Variants in CLCN3 observed in about 807,000 individuals in gnomAD.
CLCN3 encodes the protein Cl-/H+ antiporter 3.
CLCN3 carries 16 observed loss-of-function variants against 83.4 expected under a neutral mutation model. The observed-to-expected ratio is 0.19, with a 90% confidence interval of 0.13 to 0.29. CLCN3 has a LOEUF of 0.29. Ranked by LOEUF, CLCN3 falls within the 10% of genes least tolerant of loss-of-function variation. CLCN3 has a pLI of 1.00. For missense variants in CLCN3, 544 were observed against 1,006.0 expected (o/e 0.54, Z 6.21); for synonymous variants, 322 against 346.2 (o/e 0.93, Z 0.78).
rs967713229 is a variant in CLCN3, at chr4:169,723,354, A to C, written c.*3357A>C. 1.3e-5 allele frequency: 2 copies of C among 152,208 alleles called. No homozygotes were observed. Among genetic ancestry groups the C allele is most frequent in the African/African-American group, 4.8e-5 (2 of 41,462 alleles). The allele number at this position is 152,208 out of a possible 1,614,324, so 9.4% of individuals were successfully genotyped here. A position where few individuals can be genotyped will look rare whatever the true frequency, so the allele number is the denominator to read the frequency against. On this transcript the variant is annotated 3_prime_UTR_variant, in exon 13 of 13. Transcript: ENST00000513761. ...CACTTTGCAAGCAAGGAGCAATAGA[A>C]GAGTAGATAGATGCTGGATTGACAG...
chr4:169,623,489 A>G (rs937912077), intron 1 of CLCN3, among the ~76,000 whole-genome samples: 1 of 152,238 alleles, frequency 6.6e-6, no homozygotes, highest in Non-Finnish European at 1.5e-5. Flanking sequence ...CACGTCCATC[A>G]TATCACCTAC....
chr4:169,708,094 G>A (rs1733061650), intron 11 of CLCN3, among the ~76,000 whole-genome samples: 1 of 152,160 alleles, frequency 6.6e-6, no homozygotes, highest in Non-Finnish European at 1.5e-5. Flanking sequence ...TTTAGTGCCA[G>A]ACCCTGAATG....
At chr4:169,649,927 T>C (rs892327002) in intron 2 of CLCN3, among the ~76,000 whole-genome samples, 1 of 151,900 alleles carries the variant, frequency 6.6e-6, no homozygotes, top group African/African-American at 2.4e-5. Flanking sequence ...CTACAAAAAA[T>C]ATAAAAATTA....
Position 169,707,253 on chromosome 4 carries a change from G to C in CLCN3, c.2136G>C (p.Leu712=). ...RLVGFALRRD[L]TIAIESARKK... is the part of the protein sequence containing the mutation. ...TGGGATTTGCCCTCAGAAGAGACCTGACAATTGCAATAGGTACCCTTTCAA... is the reference window on the plus strand; with the variant it reads ...TGGGATTTGCCCTCAGAAGAGACCTCACAATTGCAATAGGTACCCTTTCAA... The change falls in exon 11 of 13, where the codon CTG becomes CTC. Residue 712 remains leucine (L), a synonymous_variant. Coordinates refer to ENST00000513761, the MANE Select transcript of CLCN3 (RefSeq NM_001829.4). 6.2e-7 allele frequency: 1 copy of C among 1,601,934 alleles called. No homozygotes were observed. Among genetic ancestry groups the C allele is most frequent in the South Asian group, 1.1e-5 (1 of 89,620 alleles).
intron 6 of CLCN3, among the ~76,000 whole-genome samples, chr4:169,691,109 G>T (rs1732354645): frequency 6.6e-6 from 1 of 151,744 alleles, no homozygotes; most frequent in Non-Finnish European, 1.5e-5. Flanking sequence ...AGCAATTCTT[G>T]TGTCTCAGCC....
At chr4:169,662,403 A>C (rs1731088243) in intron 2 of CLCN3, among the ~76,000 whole-genome samples, 2 of 152,150 alleles carry the variant, frequency 1.3e-5, no homozygotes, top group South Asian at 4.1e-4. Context: ...GTAGTATCCT[A>C]GTGTCTATGC....
chr4:169,650,107 T>C (rs1730691929), intron 2 of CLCN3, among the ~76,000 whole-genome samples: 1 of 150,604 alleles, frequency 6.6e-6, no homozygotes, highest in African/African-American at 2.4e-5. Flanking sequence ...AAAAAATGAG[T>C]GGTGGAATTG....
chr4:169,680,343 C>T, intron 3 of CLCN3, 136 bp downstream of exon 3: 2 of 641,094 alleles, frequency 3.1e-6, no homozygotes, highest in South Asian at 5.2e-5. Flanking sequence ...ATATGTGGTA[C>T]ATGTTTTTTT....
chr4:169,626,127 C>T (rs938551920), intron 1 of CLCN3, among the ~76,000 whole-genome samples: 3 of 152,220 alleles, frequency 2.0e-5, no homozygotes, highest in East Asian at 1.9e-4. Flanking sequence ...ATGACCCCCC[C>T]ACTCCTTACG....
chr4:169,690,726 G>C, intron 6 of CLCN3, 74 bp downstream of exon 6: 1 of 1,452,690 alleles, frequency 6.9e-7, no homozygotes, highest in South Asian at 1.4e-5. Context: ...GATAATAAAA[G>C]TTGGCTTTTC....
intron 5 of CLCN3, 121 bp downstream of exon 5, chr4:169,689,351 T>A: frequency 2.7e-6 from 2 of 747,300 alleles, no homozygotes; most frequent in East Asian, 6.0e-5. Flanking sequence ...GGATCCACCC[T>A]CAACACATTG....
Position 169,666,218 on chromosome 4 carries a change from G to T in CLCN3, c.161-13832G>T, listed in dbSNP as rs185619130. Among the ~76,000 whole-genome samples the T allele has an allele frequency of 7.9e-5, 12 of 152,256 alleles. No homozygotes were observed. In the East Asian group the frequency reaches 2.3e-3, roughly 29 times the overall value. Reference sequence around the variant, plus strand: ...TATCAGTATATACCAAGTAGTAAGAGTAAGCATTGTTTACTAAACTTTGGT... The same window carrying T: ...TATCAGTATATACCAAGTAGTAAGATTAAGCATTGTTTACTAAACTTTGGT... On this transcript the variant is annotated intron_variant, in intron 2 of 12. Transcript: ENST00000513761.
chr4:169,718,563 T>G (rs1377374832), intron 12 of CLCN3, among the ~76,000 whole-genome samples: 1 of 152,156 alleles, frequency 6.6e-6, no homozygotes, highest in Non-Finnish European at 1.5e-5. Context: ...GCTTTTAGAG[T>G]CAAATGCATT....
chr4:169,653,669 AAAG>A (rs1252545950), intron 2 of CLCN3, among the ~76,000 whole-genome samples: 2 of 150,630 alleles, frequency 1.3e-5, no homozygotes, highest in Admixed American at 1.3e-4. Context: ...AAAGGAAAGA[AAAG>A]AGGTCGTGCA....
At chr4:169,628,743 T>G (rs1461791072) in intron 1 of CLCN3, among the ~76,000 whole-genome samples, 1 of 152,248 alleles carries the variant, frequency 6.6e-6, no homozygotes, top group Admixed American at 6.5e-5. Flanking sequence ...ATTTGGCAGT[T>G]TCTTTAAAAA....
chr4:169,695,762 G>T, intron 8 of CLCN3, 70 bp downstream of exon 8: 1 of 1,080,824 alleles, frequency 9.3e-7, no homozygotes. Context: ...ACACATTTCA[G>T]TTTTGTAGGT....
intron 12 of CLCN3, among the ~76,000 whole-genome samples, chr4:169,719,652 T>G (rs575041974): frequency 2.0e-5 from 3 of 151,998 alleles, no homozygotes; most frequent in Admixed American, 6.5e-5. Context: ...ATAGCTCTGC[T>G]TCATTGAGGC....
chr4:169,696,494 A>G (rs910457349), intron 8 of CLCN3, among the ~76,000 whole-genome samples: 2 of 152,170 alleles, frequency 1.3e-5, no homozygotes, highest in Non-Finnish European at 2.9e-5. Context: ...TTGCGGAATA[A>G]TCAAATCAGA....
chr4:169,668,471 C>T lies in CLCN3; in HGVS notation c.161-11579C>T, dbSNP rs1430307904. Among the ~76,000 whole-genome samples, 3 of 152,072 alleles carry T rather than the reference C, an allele frequency of 2.0e-5. No individual in the cohort carries two copies. The East Asian group carries it at 5.8e-4, about 29-fold the overall frequency. ...ACTCTAGTAGAAGTGGGTAACAAAA[C>T]CAAGGTACTCAAAGAGGTTAATAAG... is the stretch of plus-strand genomic sequence containing the variant. On this transcript the variant is annotated intron_variant, in intron 2 of 12. Coordinates refer to ENST00000513761, the MANE Select transcript of CLCN3 (RefSeq NM_001829.4).
Sources: allele counts gnomAD v4.1 joint callset (sites outside exome capture counted in the v4.1 genomes callset), GRCh38; gene constraint gnomAD v4.1.1; transcripts MANE v1.5; gene names NCBI Gene and HGNC (gene_info 2026-07-23, HGNC 2026-07-21).